ARHGAP17: variants seen among roughly 807,000 people sequenced by gnomAD.
ARHGAP17 encodes the protein Rho GTPase activating protein 17, also known as rho GTPase-activating protein 17.
ARHGAP17 carries 57 observed loss-of-function variants against 99.5 expected under a neutral mutation model. The ratio of observed to expected loss-of-function variants is 0.57; its 90% CI spans 0.46 to 0.71. The LOEUF (loss-of-function observed/expected upper bound fraction) is 0.71, where lower values mean the gene tolerates loss of function less well. Among genes scored for constraint, ARHGAP17 ranks in the 30% least tolerant of loss-of-function variants. ARHGAP17 has a pLI of 0.00. For missense variants in ARHGAP17, 1,000 were observed against 1,122.4 expected, an observed-to-expected ratio of 0.89 and a Z score of 1.56; for synonymous variants, 417 against 429.6, an observed-to-expected ratio of 0.97 and a Z score of 0.36.
chr16:25,015,162 T>TCCGCCCC (rs981406155), intron 1 of ARHGAP17, 47 bp downstream of exon 1: 18 of 1,163,836 alleles, frequency 1.5e-5, no homozygotes, highest in African/African-American at 5.3e-5. Flanking sequence ...CCCTCCGCCC[T>TCCGCCCC]CCGCCCCCAG....
At chr16:24,927,809 ACTCT>A in intron 19 of ARHGAP17, 1 of 528,050 alleles carries the variant, frequency 1.9e-6, no homozygotes, top group Non-Finnish European at 2.9e-6. Context: ...CAAGATGTAA[ACTCT>A]TTTACATGGG....
At chr16:24,970,693 G>A in intron 3 of ARHGAP17, 113 bp from the exon 4 acceptor site, 4 of 919,294 alleles carry the variant, frequency 4.4e-6, no homozygotes, top group South Asian at 1.4e-5. Flanking sequence ...ACACAGGTAG[G>A]AGACAGCCTG....
In ARHGAP17 at chr16:24,943,831, C is replaced by T. The variant is rs769354198; in HGVS notation, c.1273G>A (p.Val425Ile). The T allele has an allele frequency of 1.5e-5, 25 of 1,613,992 alleles. No individual in the cohort carries two copies. In the Admixed American group the frequency reaches 3.0e-4, roughly 19 times the overall value. ...TLAEMAAATS[V>I]HVVAVIEPII... ...GGTTCAATCACTGCAACCACATGGA[C>T]GGATGTGGCTGCTGCCATTTCAGCA... is the stretch of plus-strand genomic sequence containing the variant. The change falls in exon 15 of 20, where the codon GTC (valine) becomes ATC (isoleucine). Residue 425 changes from valine to isoleucine, a missense_variant. Physicochemically the swap from Val to Ile is conservative, Grantham distance 29. Transcript: ENST00000289968.
chr16:24,979,075 T>TA, intron 1 of ARHGAP17, 70 bp from the exon 2 acceptor site: 1 of 1,156,518 alleles, frequency 8.6e-7, no homozygotes, highest in Non-Finnish European at 1.2e-6. Flanking sequence ...ATTTAATAAT[T>TA]ATTAGCCTGG....
chr16:24,957,078 C>G (rs2051830928), intron 9 of ARHGAP17: 2 of 152,308 alleles, frequency 1.3e-5, no homozygotes, highest in Non-Finnish European at 2.9e-5. Context: ...GAGCATGGAG[C>G]AGAGTGGGCC....
rs1227664195 is a variant in ARHGAP17, at chr16:24,954,697, G to T, written c.758C>A (p.Pro253His). The T allele has an allele frequency of 6.2e-7, 1 of 1,613,972 alleles. No individual in the cohort carries two copies. The change falls in exon 10 of 20, where the codon CCC becomes CAC. Residue 253 changes from proline to histidine, a missense_variant. By Grantham distance (77) the Pro-to-His change is moderately conservative. This residue lies in a region of ARHGAP17 where 472 missense variants were observed against 611.1 expected (regional missense o/e 0.77). Transcript: ENST00000289968. ...GCTCCTCTTCAGGTGTTCTTCTAGG[G>T]GAGTCCCAAAGGCTGGTTTTTCCGC... ...KWAEKPAFGT[P>H]LEEHLKRSGR...
At chr16:24,938,320 C>T (rs1215940310) in intron 17 of ARHGAP17, among the ~76,000 whole-genome samples, 1 of 151,838 alleles carries the variant, frequency 6.6e-6, no homozygotes, top group Non-Finnish European at 1.5e-5. Context: ...ACCGAGATTG[C>T]ACCACTGCAC....
Position 24,961,911 on chromosome 16 carries a change from T to TTATATATA in ARHGAP17, c.574-1940_574-1933dup, listed in dbSNP as rs67952203. ...TCAAATATAAATATACATAGGAATT[T>TTATATATA]TATATATATATATATATATGAAAAC... On this transcript the variant is annotated intron_variant, in intron 7 of 19. Transcript: ENST00000289968. Among the ~76,000 whole-genome samples, 481 of 130,002 alleles carry TTATATATA rather than the reference T, an allele frequency of 3.7e-3. 7 individuals carry two copies. The highest frequency in any genetic ancestry group is 0.014 in the African/African-American group (450 of 31,338). 85.3% of individuals were successfully genotyped at this position (130,002 alleles called of 152,430 possible).
chr16:24,971,688 C>A (rs544415884), intron 3 of ARHGAP17, among the ~76,000 whole-genome samples: 2 of 152,340 alleles, frequency 1.3e-5, no homozygotes, highest in African/African-American at 4.8e-5. Flanking sequence ...TACCTAAAAA[C>A]TTCTAGCTAA....
chr16:25,004,009 T>C (rs984021044), intron 1 of ARHGAP17, among the ~76,000 whole-genome samples: 1 of 152,086 alleles, frequency 6.6e-6, no homozygotes, highest in Non-Finnish European at 1.5e-5. Flanking sequence ...ACATAATGGT[T>C]GCCTTTTTCC....
rs140234615 is a variant in ARHGAP17, at chr16:24,940,392, A to G, written c.1491-795T>C. ...TGTGCATATGCAGACTACATGTGAA[A>G]GGTACATAAGGCTGGAAAAGCTGGG... On this transcript the variant is annotated intron_variant, in intron 16 of 19. Coordinates refer to ENST00000289968, the MANE Select transcript of ARHGAP17 (RefSeq NM_001006634.3). Among the ~76,000 whole-genome samples, 528 of 152,284 alleles carry G rather than the reference A, an allele frequency of 3.5e-3. 4 individuals are homozygous for G. The highest frequency in any genetic ancestry group is 0.012 in the African/African-American group (496 of 41,554).
chr16:24,943,464 C>T (rs1340053374), intron 15 of ARHGAP17, among the ~76,000 whole-genome samples: 2 of 152,164 alleles, frequency 1.3e-5, no homozygotes, highest in African/African-American at 4.8e-5. Flanking sequence ...TTCATGTGGC[C>T]ATCTTCTCCA....
intron 6 of ARHGAP17, among the ~76,000 whole-genome samples, chr16:24,967,657 A>G (rs1385692150): frequency 1.3e-5 from 2 of 151,918 alleles, no homozygotes; most frequent in Non-Finnish European, 2.9e-5. Flanking sequence ...AAGCTGTGGC[A>G]TGTGCCTGTA....
At chr16:25,004,248 ACT>A (rs2053447918) in intron 1 of ARHGAP17, among the ~76,000 whole-genome samples, 1 of 152,156 alleles carries the variant, frequency 6.6e-6, no homozygotes, top group East Asian at 1.9e-4. Flanking sequence ...ACATAGCAAG[ACT>A]CTGCCTCCAT....
chr16:24,926,117 A>AAAAAAAG (rs1555540777), intron 19 of ARHGAP17, among the ~76,000 whole-genome samples: 2 of 145,732 alleles, frequency 1.4e-5, no homozygotes, highest in African/African-American at 5.5e-5. Flanking sequence ...CTGAAAAAAA[A>AAAAAAAG]AAAAGAAAAG....
At chr16:24,974,587 G>GA (rs1298569679) in intron 3 of ARHGAP17, among the ~76,000 whole-genome samples, 1 of 152,002 alleles carries the variant, frequency 6.6e-6, no homozygotes, top group East Asian at 1.9e-4. Context: ...ACTGAGCCAA[G>GA]ATTTTTTTTT....
At chr16:25,009,281 C>T (rs1444348425) in intron 1 of ARHGAP17, among the ~76,000 whole-genome samples, 4 of 151,158 alleles carry the variant, frequency 2.6e-5, no homozygotes, top group Admixed American at 6.6e-5. Flanking sequence ...GAAGGAGAAT[C>T]GCTTGAACCC....
intron 1 of ARHGAP17, among the ~76,000 whole-genome samples, chr16:24,982,994 A>T (rs1443869903): frequency 5.2e-4 from 9 of 17,394 alleles, no homozygotes; most frequent in African/African-American, 1.3e-3. Flanking sequence ...ATATATATAT[A>T]TATTTTTTTT....
chr16:25,001,662 C>T (rs2053362707), intron 1 of ARHGAP17, among the ~76,000 whole-genome samples: 1 of 152,194 alleles, frequency 6.6e-6, no homozygotes, highest in Non-Finnish European at 1.5e-5. Context: ...TCAAGCGATC[C>T]TCCGGCCTCA....
Sources: gnomAD v4.1 joint callset for allele counts (sites outside exome capture counted in the v4.1 genomes callset) on GRCh38, gnomAD v4.1.1 for gene constraint, gnomAD v4.1.1 regional missense constraint, MANE v1.5 for transcripts, NCBI Gene and HGNC (gene_info 2026-07-23, HGNC 2026-07-21) for gene names.